Variants in MLIP observed in about 807,000 individuals in gnomAD.
MLIP encodes muscular LMNA-interacting protein.
MLIP carries 79 observed loss-of-function variants against 84.8 expected under a neutral mutation model. The ratio of observed to expected loss-of-function variants is 0.93; its 90% CI spans 0.78 to 1.12. The LOEUF (loss-of-function observed/expected upper bound fraction) is 1.12, where lower values mean the gene tolerates loss of function less well. MLIP is among the 50% of genes most tolerant of loss of function. The probability of loss-of-function intolerance (pLI) is 0.00; values close to 1 mark genes in which losing one functional copy is unlikely to be tolerated. For missense variants in MLIP, 1,257 were observed against 1,160.6 expected, an observed-to-expected ratio of 1.08 and a Z score of -1.21; for synonymous variants, 504 against 463.0, an observed-to-expected ratio of 1.09 and a Z score of -1.14.
chr6:54,029,449 T>A (rs1045203053), intron 1 of MLIP: 5 of 152,354 alleles, frequency 3.3e-5, no homozygotes, highest in African/African-American at 9.7e-5. Context: ...CATGTGAGGA[T>A]GCCTAGAAGA....
chr6:54,031,353 C>T (rs1764124207), intron 1 of MLIP: 1 of 152,098 alleles, frequency 6.6e-6, no homozygotes, highest in Admixed American at 6.5e-5. Context: ...TTATGGAAGC[C>T]TTGAGTGCTT....
chr6:54,176,280 G>GTT (rs146108827), intron 9 of MLIP, among the ~76,000 whole-genome samples: 1 of 142,924 alleles, frequency 7.0e-6, no homozygotes, highest in Non-Finnish European at 1.5e-5. Flanking sequence ...TCCTTTGTTT[G>GTT]TTTGTTTTTT....
chr6:54,198,883 TG>T (rs1410680220), intron 10 of MLIP, among the ~76,000 whole-genome samples: 2 of 136,124 alleles, frequency 1.5e-5, no homozygotes, highest in Non-Finnish European at 3.4e-5. Context: ...TGTGTCTGTG[TG>T]TGTGTGTGTG....
At chr6:54,157,211 T>C (rs908429436) in intron 5 of MLIP, among the ~76,000 whole-genome samples, 1 of 152,120 alleles carries the variant, frequency 6.6e-6, no homozygotes, top group Non-Finnish European at 1.5e-5. Flanking sequence ...TGGTCTTTAA[T>C]TTCTGACATT....
intron 12 of MLIP, among the ~76,000 whole-genome samples, chr6:54,242,630 C>T (rs542550636): frequency 9.2e-5 from 14 of 152,106 alleles, no homozygotes; most frequent in African/African-American, 3.1e-4. Flanking sequence ...CTAACCTTCC[C>T]CTACTGCTTC....
intron 11 of MLIP, among the ~76,000 whole-genome samples, chr6:54,210,732 A>G (rs1175445005): frequency 2.8e-5 from 3 of 108,952 alleles, no homozygotes; most frequent in African/African-American, 1.4e-4. Flanking sequence ...AACGGAGGGA[A>G]AAAAAAAAAA....
At chr6:54,032,307 A>T (rs1764185936) in intron 1 of MLIP, 1 of 152,202 alleles carries the variant, frequency 6.6e-6, no homozygotes, top group Admixed American at 6.5e-5. Flanking sequence ...ATACTTATGA[A>T]ATCAATAAAA....
chr6:54,130,414 C>T (rs1422709467), intron 3 of MLIP, among the ~76,000 whole-genome samples: 1 of 152,094 alleles, frequency 6.6e-6, no homozygotes, highest in Non-Finnish European at 1.5e-5. Flanking sequence ...CTACCACCTG[C>T]CCATCCTCAC....
At chr6:54,221,451 T>C (rs1780213066) in intron 11 of MLIP, among the ~76,000 whole-genome samples, 1 of 151,946 alleles carries the variant, frequency 6.6e-6, no homozygotes, top group East Asian at 1.9e-4. Context: ...TCCAGGTACC[T>C]ACCACAAATT....
At position 54,230,108 on chromosome 6, in the gene MLIP, C is replaced by A. The variant is rs544711305; in HGVS notation, c.2719-606C>A. Reference sequence around the variant, plus strand: ...AGTTGCACTCCTCTATTTGTTGCACCACCAGTTTCTCTCCAAAACAACACA... The same window carrying A: ...AGTTGCACTCCTCTATTTGTTGCACAACCAGTTTCTCTCCAAAACAACACA... On this transcript the variant is annotated intron_variant, in intron 11 of 13. Coordinates refer to ENST00000502396, the MANE Select transcript of MLIP (RefSeq NM_001281747.2). Among the ~76,000 whole-genome samples the A allele has an allele frequency of 3.9e-5, 6 of 152,232 alleles. No individual in the cohort carries two copies. The South Asian group carries it at 1.2e-3, about 32-fold the overall frequency.
intron 1 of MLIP, among the ~76,000 whole-genome samples, chr6:54,118,408 C>T (rs774043615): frequency 1.3e-5 from 2 of 152,114 alleles, no homozygotes; most frequent in African/African-American, 2.4e-5. Flanking sequence ...GATAAAGGTG[C>T]CAAGAACACA....
intron 1 of MLIP, among the ~76,000 whole-genome samples, chr6:54,092,842 C>G (rs934054716): frequency 6.6e-6 from 1 of 151,974 alleles, no homozygotes; most frequent in Admixed American, 6.6e-5. Flanking sequence ...GGTTTTATTG[C>G]AGGGAAGATG....
chr6:54,115,372 A>G (rs1308567417), intron 1 of MLIP, among the ~76,000 whole-genome samples: 1 of 152,192 alleles, frequency 6.6e-6, no homozygotes, highest in Admixed American at 6.5e-5. Flanking sequence ...AGACAAATGT[A>G]GGAAAATAAT....
At chr6:54,025,463 C>T (rs9474703) in intron 1 of MLIP, among the ~76,000 whole-genome samples, 4,633 of 152,168 alleles carry the variant, frequency 0.03, 144 homozygotes, top group South Asian at 0.13. Context: ...ATCTTTATAC[C>T]ACAATTGGTT....
At chr6:54,181,874 T>C (rs9474754) in intron 9 of MLIP, among the ~76,000 whole-genome samples, 14,058 of 152,262 alleles carry the variant, frequency 0.092, 826 homozygotes, top group East Asian at 0.21. Flanking sequence ...GATGAGCTGA[T>C]CTCCAGGATG....
chr6:54,224,167 G>A (rs115257975), intron 11 of MLIP, among the ~76,000 whole-genome samples: 150 of 151,906 alleles, frequency 9.9e-4, no homozygotes, highest in Non-Finnish European at 1.9e-3. Flanking sequence ...ATAATAGCAC[G>A]TATTCTTTGA....
At chr6:54,019,172 T>A (rs1763362552) in intron 1 of MLIP, 4 of 1,442,416 alleles carry the variant, frequency 2.8e-6, no homozygotes, top group Non-Finnish European at 2.9e-6. Flanking sequence ...CTGGAAAAGT[T>A]GTGCTAGCCG....
chr6:54,106,353 C>A (rs1769015635), intron 1 of MLIP, among the ~76,000 whole-genome samples: 1 of 152,056 alleles, frequency 6.6e-6, no homozygotes, highest in African/African-American at 2.4e-5. Context: ...CTCCCAGCAG[C>A]TGGGGAATAC....
At chr6:54,229,022 A>G (rs1780795767) in intron 11 of MLIP, among the ~76,000 whole-genome samples, 1 of 152,226 alleles carries the variant, frequency 6.6e-6, no homozygotes, top group Non-Finnish European at 1.5e-5. Context: ...CTACCCACTG[A>G]CATGGCTTTC....
Sources: gnomAD v4.1 joint callset for allele counts (sites outside exome capture counted in the v4.1 genomes callset) on GRCh38, gnomAD v4.1.1 for gene constraint, MANE v1.5 for transcripts, NCBI Gene and HGNC (gene_info 2026-07-23, HGNC 2026-07-21) for gene names.